Variants in TRDN observed in about 807,000 individuals in gnomAD.
TRDN encodes the protein triadin in skeletal muscle.
TRDN carries 161 observed loss-of-function variants against 149.7 expected under a neutral mutation model. That is an observed-to-expected ratio of 1.08 (90% CI 0.95 to 1.23). TRDN has a LOEUF of 1.23. Ranked by LOEUF, TRDN falls within the 50% of genes most tolerant of loss-of-function variation. The probability of loss-of-function intolerance (pLI) is 0.00; values close to 1 mark genes in which losing one functional copy is unlikely to be tolerated. For missense variants in TRDN, 896 were observed against 823.5 expected, an observed-to-expected ratio of 1.09 and a Z score of -1.08; for synonymous variants, 294 against 250.5, an observed-to-expected ratio of 1.17 and a Z score of -1.64.
chr6:123,573,136 T>A (rs1351631195), intron 1 of TRDN, among the ~76,000 whole-genome samples: 1 of 152,076 alleles, frequency 6.6e-6, no homozygotes, highest in East Asian at 1.9e-4. Flanking sequence ...GCTTCATAGA[T>A]AAGAGATTGG....
intron 23 of TRDN, among the ~76,000 whole-genome samples, chr6:123,331,472 G>C (rs887980196): frequency 2.0e-5 from 3 of 151,968 alleles, no homozygotes; most frequent in Admixed American, 6.6e-5. Flanking sequence ...ATATGTTTAG[G>C]ATTCTATTAT....
At chr6:123,349,889 TG>T in intron 21 of TRDN, 1 of 985,384 alleles carries the variant, frequency 1.0e-6, no homozygotes, top group Non-Finnish European at 1.2e-6. Flanking sequence ...ACTTGGGTTT[TG>T]CCTGGTGTTG....
intron 1 of TRDN, among the ~76,000 whole-genome samples, chr6:123,615,496 G>GTA (rs1785036657): frequency 1.3e-5 from 2 of 151,664 alleles, no homozygotes. Flanking sequence ...GTGTGTGTGT[G>GTA]TATATATATA....
At chr6:123,255,641 T>C (rs1450212943) in intron 36 of TRDN, among the ~76,000 whole-genome samples, 2 of 152,152 alleles carry the variant, frequency 1.3e-5, no homozygotes, top group Admixed American at 1.3e-4. Flanking sequence ...AAACTGATGC[T>C]TATTTGCATG....
At position 123,271,152 on chromosome 6, in the gene TRDN, T is replaced by C. The variant is rs1347118932; in HGVS notation, c.1707A>G (p.Thr569=). The C allele has an allele frequency of 1.3e-5, 20 of 1,536,800 alleles. No homozygotes were observed. The highest frequency in any genetic ancestry group is 1.6e-5 in the Non-Finnish European group (18 of 1,142,208). The change falls in exon 30 of 41, where the codon ACA becomes ACG. Residue 569 remains threonine, a synonymous_variant. Coordinates refer to ENST00000334268, the MANE Select transcript of TRDN (RefSeq NM_006073.4). ...TACCTTATTTACCTGTTTTTTCTAT[T>C]GTGACAGCTTTTACCTGCTTGAGAA... is the stretch of plus-strand genomic sequence containing the variant. ...EKVLKQVKAV[T]IEKTAKPKPT... is the part of the protein sequence containing the mutation.
intron 1 of TRDN, among the ~76,000 whole-genome samples, chr6:123,621,433 G>A (rs957405711): frequency 6.6e-6 from 1 of 151,942 alleles, no homozygotes; most frequent in Non-Finnish European, 1.5e-5. Flanking sequence ...ATAGAACATA[G>A]TGCCATGAAA....
At chr6:123,565,592 A>T (rs1782244620) in intron 2 of TRDN, among the ~76,000 whole-genome samples, 1 of 152,290 alleles carries the variant, frequency 6.6e-6, no homozygotes, top group East Asian at 1.9e-4. Context: ...GAAACAAGAC[A>T]TTTTTGCAAG....
At chr6:123,245,024 C>A (rs1776123755) in intron 38 of TRDN, among the ~76,000 whole-genome samples, 1 of 152,110 alleles carries the variant, frequency 6.6e-6, no homozygotes, top group Non-Finnish European at 1.5e-5. Context: ...GAAATAAAAT[C>A]CTTTACAGAC....
At chr6:123,597,620 C>T (rs890651649) in intron 1 of TRDN, among the ~76,000 whole-genome samples, 32 of 151,984 alleles carry the variant, frequency 2.1e-4, no homozygotes, top group South Asian at 8.3e-4. Context: ...AAGAAATTGC[C>T]ACAGCCACCC....
At chr6:123,517,158 G>C (rs1046345352) in intron 5 of TRDN, among the ~76,000 whole-genome samples, 4 of 152,054 alleles carry the variant, frequency 2.6e-5, no homozygotes, top group African/African-American at 9.7e-5. Context: ...ATGTAAGGTG[G>C]AATGTTGATG....
chr6:123,561,436 G>A (rs1781994448), intron 2 of TRDN, among the ~76,000 whole-genome samples: 1 of 152,074 alleles, frequency 6.6e-6, no homozygotes, highest in African/African-American at 2.4e-5. Flanking sequence ...ACAGGGTACA[G>A]CCCATTTGAG....
intron 12 of TRDN, among the ~76,000 whole-genome samples, chr6:123,425,094 G>A (rs1774059909): frequency 6.6e-6 from 1 of 152,048 alleles, no homozygotes; most frequent in African/African-American, 2.4e-5. Context: ...GTGAAAGTGA[G>A]AGGATTTAAT....
chr6:123,517,670 T>C (rs1373870441), intron 5 of TRDN, among the ~76,000 whole-genome samples: 2 of 152,242 alleles, frequency 1.3e-5, no homozygotes, highest in East Asian at 1.9e-4. Context: ...GCACACCACA[T>C]GCCCTCATGA....
At chr6:123,513,687 C>A (rs1403446829) in intron 6 of TRDN, among the ~76,000 whole-genome samples, 1 of 151,854 alleles carries the variant, frequency 6.6e-6, no homozygotes, top group African/African-American at 2.4e-5. Context: ...AAGAAAATAA[C>A]AATTATTTAA....
chr6:123,351,309 C>T (rs563156430), intron 21 of TRDN: 1 of 949,822 alleles, frequency 1.1e-6, no homozygotes, highest in East Asian at 1.2e-4. Flanking sequence ...ACAACATCTT[C>T]TCAGATGGGC....
chr6:123,467,461 C>T (rs1361433888), intron 9 of TRDN, among the ~76,000 whole-genome samples: 4 of 151,958 alleles, frequency 2.6e-5, no homozygotes, highest in African/African-American at 9.7e-5. Context: ...TGCTCTCTAA[C>T]ATGGCTGATG....
intron 9 of TRDN, among the ~76,000 whole-genome samples, chr6:123,467,766 A>G (rs1333932141): frequency 2.0e-5 from 3 of 152,140 alleles, no homozygotes; most frequent in Non-Finnish European, 4.4e-5. Flanking sequence ...TAGGTGAATG[A>G]ATACATTATA....
At chr6:123,359,455 A>G (rs1393208557) in intron 20 of TRDN, among the ~76,000 whole-genome samples, 1 of 152,144 alleles carries the variant, frequency 6.6e-6, no homozygotes, top group Non-Finnish European at 1.5e-5. Flanking sequence ...TGGTCTTACT[A>G]AATTATTGTG....
intron 38 of TRDN, among the ~76,000 whole-genome samples, chr6:123,224,993 AG>A (rs1445520454): frequency 6.6e-6 from 1 of 151,842 alleles, no homozygotes; most frequent in Non-Finnish European, 1.5e-5. Flanking sequence ...AATATTTGCA[AG>A]CCATATATCC....
Sources: allele counts gnomAD v4.1 joint callset (sites outside exome capture counted in the v4.1 genomes callset), GRCh38; gene constraint gnomAD v4.1.1; transcripts MANE v1.5; gene names NCBI Gene and HGNC (gene_info 2026-07-23, HGNC 2026-07-21).